SNAPC3: variants seen among roughly 807,000 people sequenced by gnomAD.
The protein encoded by SNAPC3 is snRNA-activating protein complex subunit 3.
A neutral mutation model predicts 47.7 loss-of-function variants in SNAPC3; 56 were observed. That is an observed-to-expected ratio of 1.18 (90% CI 0.95 to 1.47). SNAPC3 has a LOEUF of 1.47. Among genes scored for constraint, SNAPC3 ranks in the 40% most tolerant of loss-of-function variants. SNAPC3 has a pLI of 0.00. For missense variants in SNAPC3, 665 were observed against 511.3 expected (o/e 1.30, Z -2.90); for synonymous variants, 235 against 189.9 (o/e 1.24, Z -1.95).
intron 2 of SNAPC3, among the ~76,000 whole-genome samples, chr9:15,427,637 A>T (rs2031590369): frequency 6.6e-6 from 1 of 152,212 alleles, no homozygotes; most frequent in South Asian, 2.1e-4. Flanking sequence ...GTGAGCCACG[A>T]CGCCCAGCCC....
chr9:15,465,647 T>A, downstream of SNAPC3: 1 of 1,289,992 alleles, frequency 7.8e-7, no homozygotes, highest in Non-Finnish European at 1.1e-6. Flanking sequence ...AAAAAGACAT[T>A]AAGTCTGCAT....
At chr9:15,436,133 C>T (rs2032781539) in intron 3 of SNAPC3, among the ~76,000 whole-genome samples, 3 of 152,202 alleles carry the variant, frequency 2.0e-5, no homozygotes, top group Admixed American at 2.0e-4. Context: ...CGTGGGCAAC[C>T]ACAGTCAGCC....
At chr9:15,447,350 C>A in intron 5 of SNAPC3, 106 bp downstream of exon 5, 2 of 961,990 alleles carry the variant, frequency 2.1e-6, no homozygotes, top group Non-Finnish European at 3.1e-6. Flanking sequence ...TCTTCTCCTG[C>A]GGGATTCCAT....
intron 1 of SNAPC3, 76 bp downstream of exon 1, chr9:15,423,269 C>T: frequency 2.2e-6 from 3 of 1,389,588 alleles, no homozygotes; most frequent in Non-Finnish European, 2.9e-6. Context: ...TCCTCTGGGA[C>T]TCATCCCTGA....
chr9:15,441,934 C>G (rs923783419), intron 3 of SNAPC3, among the ~76,000 whole-genome samples: 7 of 152,174 alleles, frequency 4.6e-5, no homozygotes, highest in Non-Finnish European at 7.3e-5. Context: ...TGGTGGCGGC[C>G]GGGCAGAGGA....
chr9:15,452,575 C>T (rs1325707771), intron 6 of SNAPC3, among the ~76,000 whole-genome samples: 2 of 152,094 alleles, frequency 1.3e-5, no homozygotes, highest in African/African-American at 2.4e-5. Context: ...ACCTCGGCCT[C>T]CCGAAGTGCT....
Position 15,442,854 on chromosome 9 carries a change from A to G in SNAPC3, c.478-1748A>G, listed in dbSNP as rs527760258. Among the ~76,000 whole-genome samples, 116 of 152,266 alleles carry G rather than the reference A, an allele frequency of 7.6e-4. 1 individual carries two copies. The highest frequency in any genetic ancestry group is 1.1e-3 in the Admixed American group (17 of 15,296). On this transcript the variant is annotated intron_variant, in intron 3 of 8. Transcript: ENST00000380821. Reference sequence around the variant, plus strand: ...GTGGAGGTTGTAGCAAGCCGAGATCACGCCACTGCACTCCAGCCTGGGCAA... The same window carrying G: ...GTGGAGGTTGTAGCAAGCCGAGATCGCGCCACTGCACTCCAGCCTGGGCAA...
In SNAPC3 at chr9:15,459,813, A is replaced by G. The variant is rs1587426748; in HGVS notation, c.1183A>G (p.Lys395Glu). The stretch of plus-strand genomic sequence containing the variant: ...GCTGCACTATGATTCAGAAGGCAAC[A>G]AACTGGGGGAATTCCTTGCTTATCC... ...RMLHYDSEGN[K>E]LGEFLAYPYV... is the part of the protein sequence containing the mutation. The change falls in exon 9 of 9, where the codon AAA becomes GAA. Residue 395 changes from lysine (K) to glutamate (E), a missense_variant. Lys to Glu is a moderately conservative substitution (Grantham distance 56). Transcript: ENST00000380821. The G allele has an allele frequency of 1.2e-6, 2 of 1,613,544 alleles. No homozygotes were observed. Among genetic ancestry groups the G allele is most frequent in the Non-Finnish European group, 1.7e-6 (2 of 1,179,726 alleles).
chr9:15,448,520 C>G (rs901390159), intron 5 of SNAPC3, among the ~76,000 whole-genome samples: 17 of 152,164 alleles, frequency 1.1e-4, no homozygotes, highest in Non-Finnish European at 2.5e-4. Flanking sequence ...TTCTTTGTTA[C>G]CCTGGCACCT....
At chr9:15,441,541 G>A (rs1054996399) in intron 3 of SNAPC3, among the ~76,000 whole-genome samples, 22 of 151,762 alleles carry the variant, frequency 1.4e-4, no homozygotes, top group African/African-American at 4.4e-4. Context: ...AGGACCCTGC[G>A]GCCTTCTGCA....
At chr9:15,454,266 C>A (rs890066001) in intron 7 of SNAPC3, among the ~76,000 whole-genome samples, 1 of 151,792 alleles carries the variant, frequency 6.6e-6, no homozygotes, top group African/African-American at 2.4e-5. Flanking sequence ...GAAGCTGATG[C>A]TTTCAGAAAG....
chr9:15,466,715 AAC>A (rs760260242), downstream of SNAPC3: 22 of 1,515,602 alleles, frequency 1.5e-5, no homozygotes, highest in Admixed American at 8.0e-5. Context: ...AATAATAAAA[AAC>A]ACACAAGACC....
At chr9:15,465,352 AC>A, downstream of SNAPC3, 1 of 598,332 alleles carries the variant, frequency 1.7e-6, no homozygotes, top group Admixed American at 3.5e-5. Context: ...GCACAAGTAC[AC>A]TTAGCGATAA....
At chr9:15,432,741 G>A (rs2032324113) in intron 2 of SNAPC3, among the ~76,000 whole-genome samples, 1 of 152,118 alleles carries the variant, frequency 6.6e-6, no homozygotes, top group African/African-American at 2.4e-5. Context: ...TAATTCCAAT[G>A]AATAAATGTA....
chr9:15,455,293 A>C (rs1225282618), intron 7 of SNAPC3, among the ~76,000 whole-genome samples: 1 of 152,072 alleles, frequency 6.6e-6, no homozygotes, highest in Admixed American at 6.5e-5. Flanking sequence ...GCAGCCTGGC[A>C]TGGTGGCTCA....
At chr9:15,431,395 C>T (rs891965042) in intron 2 of SNAPC3, among the ~76,000 whole-genome samples, 3 of 152,186 alleles carry the variant, frequency 2.0e-5, no homozygotes, top group Non-Finnish European at 4.4e-5. Context: ...TCAGTGTTCC[C>T]TTTTACTGCT....
intron 4 of SNAPC3, among the ~76,000 whole-genome samples, chr9:15,445,124 GT>G (rs2033823816): frequency 6.6e-6 from 1 of 152,130 alleles, no homozygotes; most frequent in African/African-American, 2.4e-5. Flanking sequence ...CCTATCTGAT[GT>G]CTTATTTTTA....
chr9:15,428,999 C>T (rs2031806837), intron 2 of SNAPC3, among the ~76,000 whole-genome samples: 1 of 151,996 alleles, frequency 6.6e-6, no homozygotes, highest in African/African-American at 2.4e-5. Context: ...GAAAGGGTTC[C>T]CTAGGTACCT....
At chr9:15,463,631 T>C (rs780201960), downstream of SNAPC3, 3 of 152,120 alleles carry the variant, frequency 2.0e-5, no homozygotes, top group Non-Finnish European at 2.9e-5. Context: ...CTGAAAGTTC[T>C]TAAGTCTTAT....
Sources: gnomAD v4.1 joint callset for allele counts (sites outside exome capture counted in the v4.1 genomes callset) on GRCh38, gnomAD v4.1.1 for gene constraint, MANE v1.5 for transcripts, NCBI Gene and HGNC (gene_info 2026-07-23, HGNC 2026-07-21) for gene names.